SEC31A: variants seen among roughly 807,000 people sequenced by gnomAD.
The protein encoded by SEC31A is protein transport protein Sec31A.
Under a neutral mutation model 151.0 loss-of-function variants are expected in SEC31A, and 70 were observed. The observed-to-expected ratio is 0.46, with a 90% CI of 0.38 to 0.57. The LOEUF is 0.57. Among genes scored for constraint, SEC31A ranks in the 20% least tolerant of loss-of-function variants. The pLI is 0.00. For synonymous variants in SEC31A, 475 were observed against 505.9 expected (o/e 0.94, Z 0.82); for missense variants, 1,330 against 1,471.2 (o/e 0.90, Z 1.57).
chr4:82,820,941 C>T, intron 26 of SEC31A, 96 bp downstream of exon 26: 4 of 939,180 alleles, frequency 4.3e-6, no homozygotes, highest in East Asian at 2.4e-5. Context: ...ACAATTTTGC[C>T]CCCATGCATA....
At chr4:82,854,054 T>C (rs1254629774) in intron 17 of SEC31A, among the ~76,000 whole-genome samples, 1 of 152,206 alleles carries the variant, frequency 6.6e-6, no homozygotes, top group Non-Finnish European at 1.5e-5. Flanking sequence ...CTAAGTCTAG[T>C]ATAAATTACT....
chr4:82,840,501 G>A (rs1728478032), intron 22 of SEC31A, among the ~76,000 whole-genome samples: 1 of 152,190 alleles, frequency 6.6e-6, no homozygotes, highest in African/African-American at 2.4e-5. Context: ...TAAGGATTAT[G>A]CATACAGTGT....
intron 1 of SEC31A, among the ~76,000 whole-genome samples, chr4:82,888,560 C>T (rs1198775582): frequency 1.3e-5 from 2 of 151,668 alleles, no homozygotes; most frequent in Non-Finnish European, 2.9e-5. Flanking sequence ...CGTGATGGCG[C>T]GGCCAGTAGT....
chr4:82,867,291 G>A lies in SEC31A; in HGVS notation c.908C>T (p.Thr303Ile). 1 of 1,614,130 alleles carries A rather than the reference G, an allele frequency of 6.2e-7. No homozygotes were observed. Among genetic ancestry groups the A allele is most frequent in the South Asian group, 1.1e-5 (1 of 91,076 alleles). Reference sequence around the variant, plus strand: ...CCACTGAATATCGAAGCACCACTGTGTGTTGGTGGGAAGTTCATATAACAC... The same window carrying A: ...CCACTGAATATCGAAGCACCACTGTATGTTGGTGGGAAGTTCATATAACAC... Reference protein sequence around the residue: ...GEVLYELPTNTQWCFDIQWCP... With the variant: ...GEVLYELPTNIQWCFDIQWCP... The change falls in exon 9 of 27, where the codon ACA (threonine) becomes ATA (isoleucine). Residue 303 changes from threonine (T) to isoleucine (I), a missense_variant. Coordinates refer to ENST00000395310, the MANE Select transcript of SEC31A (RefSeq NM_001077207.4).
chr4:82,855,143 G>T, intron 16 of SEC31A, 114 bp from the exon 17 acceptor site: 1 of 874,156 alleles, frequency 1.1e-6, no homozygotes, highest in African/African-American at 1.7e-5. Flanking sequence ...GCAAAATGAA[G>T]TATAATTTTG....
intron 14 of SEC31A, among the ~76,000 whole-genome samples, chr4:82,858,542 CAAAAAAAAAAAAA>C (rs201988682): frequency 0.014 from 867 of 62,938 alleles, 16 homozygotes; most frequent in African/African-American, 0.035. Context: ...GACTCTGTCT[CAAAAAAAAAAAAA>C]AAAAAAAAAA....
intron 26 of SEC31A, 112 bp downstream of exon 26, chr4:82,820,925 G>T: frequency 1.2e-6 from 1 of 802,744 alleles, no homozygotes; most frequent in Non-Finnish European, 2.1e-6. Context: ...TTCTCTAAAT[G>T]TCATGACAAT....
At chr4:82,885,413 ATG>A (rs1353178316) in intron 1 of SEC31A, among the ~76,000 whole-genome samples, 3 of 152,102 alleles carry the variant, frequency 2.0e-5, no homozygotes, top group African/African-American at 7.2e-5. Flanking sequence ...TCATTATAAT[ATG>A]TGTTTCTGAT....
At chr4:82,845,200 C>A in intron 20 of SEC31A, 1 of 1,517,696 alleles carries the variant, frequency 6.6e-7, no homozygotes, top group African/African-American at 1.4e-5. Flanking sequence ...GAAGGATATA[C>A]CTGTGTGTCA....
intron 15 of SEC31A, 41 bp from the exon 16 acceptor site, chr4:82,857,171 T>C: frequency 6.3e-7 from 1 of 1,575,200 alleles, no homozygotes; most frequent in Non-Finnish European, 8.6e-7. Flanking sequence ...AATAGAGTTT[T>C]TGTTACCAAA....
intron 7 of SEC31A, chr4:82,871,273 C>A: frequency 7.3e-7 from 1 of 1,361,270 alleles, no homozygotes; most frequent in Non-Finnish European, 9.6e-7. Flanking sequence ...CACAAATTAT[C>A]CTATTTGTAT....
rs1722759030 is a variant in SEC31A at position 82,818,924 on chromosome 4, A to C, written c.*150T>G. The C allele has an allele frequency of 3.6e-6, 2 of 556,652 alleles. No homozygotes were observed. Among genetic ancestry groups the C allele is most frequent in the African/African-American group, 3.8e-5 (2 of 52,656 alleles). 34.5% of individuals were successfully genotyped at this position (556,652 alleles called of 1,614,324 possible). ...AGCACCAGGGTTCTGAGCAGTTCTA[A>C]GGTGAGTATATCAGCAGAAATAGTG... On this transcript the variant is annotated 3_prime_UTR_variant, in exon 27 of 27. Transcript: ENST00000395310.
At chr4:82,865,507 C>A (rs1735104118) in intron 10 of SEC31A, among the ~76,000 whole-genome samples, 1 of 128,792 alleles carries the variant, frequency 7.8e-6, no homozygotes. Context: ...CCAAAATGAC[C>A]ATCAAATGAA....
At chr4:82,884,336 T>C (rs1740140408) in intron 1 of SEC31A, among the ~76,000 whole-genome samples, 1 of 152,082 alleles carries the variant, frequency 6.6e-6, no homozygotes, top group African/African-American at 2.4e-5. Context: ...CTTTTGACTT[T>C]GCTTTTTTCA....
intron 22 of SEC31A, among the ~76,000 whole-genome samples, chr4:82,835,989 G>A (rs1030520266): frequency 2.9e-4 from 44 of 152,108 alleles, no homozygotes; most frequent in African/African-American, 9.9e-4. Context: ...ACGTAAAATG[G>A]TGCAGCTGCT....
chr4:82,846,902 A>T (rs1430940319), intron 20 of SEC31A, among the ~76,000 whole-genome samples: 1 of 152,118 alleles, frequency 6.6e-6, no homozygotes, highest in African/African-American at 2.4e-5. Context: ...TTTAGTAGAG[A>T]CAGGGTTTCA....
chr4:82,843,198 G>A (rs1213568229), intron 21 of SEC31A, among the ~76,000 whole-genome samples: 3 of 150,724 alleles, frequency 2.0e-5, no homozygotes, highest in Admixed American at 6.7e-5. Context: ...TGGTGTGATC[G>A]TAGCTCACTG....
intron 2 of SEC31A, among the ~76,000 whole-genome samples, chr4:82,881,445 A>G (rs1320839683): frequency 6.6e-6 from 1 of 152,016 alleles, no homozygotes; most frequent in Non-Finnish European, 1.5e-5. Context: ...AGGCTGGGCG[A>G]AAGAGCAAGA....
chr4:82,821,014 A>C (rs921902117), intron 26 of SEC31A, 23 bp downstream of exon 26: 2 of 1,589,766 alleles, frequency 1.3e-6, no homozygotes, highest in African/African-American at 2.7e-5. Context: ...GATTATCATA[A>C]ATCCTTTTCC....
Sources: allele counts gnomAD v4.1 joint callset (sites outside exome capture counted in the v4.1 genomes callset), GRCh38; gene constraint gnomAD v4.1.1; transcripts MANE v1.5; gene names NCBI Gene and HGNC (gene_info 2026-07-23, HGNC 2026-07-21).